Variants in GBE1 observed in about 807,000 individuals in gnomAD.
GBE1 encodes the protein 1,4-alpha-glucan branching enzyme 1.
GBE1 carries 70 observed loss-of-function variants against 88.8 expected under a neutral mutation model. That is an observed-to-expected ratio of 0.79 (90% CI 0.65 to 0.96). GBE1 has a LOEUF of 0.96. Ranked by LOEUF, GBE1 falls within the 40% of genes least tolerant of loss-of-function variation. The pLI, the probability that GBE1 is intolerant of heterozygous loss-of-function variation, is 0.00. For missense variants in GBE1, 872 were observed against 871.0 expected (o/e 1.00, Z -0.01); for synonymous variants, 284 against 300.1 (o/e 0.95, Z 0.56).
intron 12 of GBE1, among the ~76,000 whole-genome samples, chr3:81,565,721 G>A (rs1325567884): frequency 1.3e-5 from 2 of 152,024 alleles, no homozygotes; most frequent in African/African-American, 4.8e-5. Context: ...TTTCTCCACA[G>A]GTATCACTCA....
At chr3:81,674,996 A>G (rs1705233329) in intron 2 of GBE1, among the ~76,000 whole-genome samples, 1 of 151,970 alleles carries the variant, frequency 6.6e-6, no homozygotes. Context: ...AATCACATGG[A>G]TTTGTTAAAA....
chr3:81,679,113 A>C (rs1306325928), intron 2 of GBE1, among the ~76,000 whole-genome samples: 2 of 152,206 alleles, frequency 1.3e-5, no homozygotes, highest in African/African-American at 4.8e-5. Flanking sequence ...AAAAGAATAT[A>C]GAACCTTATC....
intron 1 of GBE1, among the ~76,000 whole-genome samples, chr3:81,742,534 G>A (rs1049965752): frequency 2.0e-5 from 3 of 151,978 alleles, no homozygotes; most frequent in Admixed American, 1.3e-4. Flanking sequence ...AGGCATAGGC[G>A]CCCCATCATT....
chr3:81,743,099 CT>C (rs1399287908), intron 1 of GBE1, among the ~76,000 whole-genome samples: 1 of 152,078 alleles, frequency 6.6e-6, no homozygotes, highest in Non-Finnish European at 1.5e-5. Flanking sequence ...TAACTATATT[CT>C]TCTCTTCTTA....
At chr3:81,646,522 T>C (rs62265454) in intron 5 of GBE1, 40 bp from the exon 6 acceptor site, 13 of 1,125,172 alleles carry the variant, frequency 1.2e-5, no homozygotes, top group Non-Finnish European at 1.7e-5. Context: ...AAAAGCCACA[T>C]TTAAAAAAAA....
chr3:81,612,657 A>C, intron 7 of GBE1: 1 of 559,524 alleles, frequency 1.8e-6, no homozygotes, highest in Non-Finnish European at 3.5e-6. Flanking sequence ...TCGACTTTCA[A>C]AATCTCCTCA....
intron 12 of GBE1, among the ~76,000 whole-genome samples, chr3:81,546,200 G>GCACACA (rs374685467): frequency 4.6e-5 from 7 of 150,602 alleles, no homozygotes; most frequent in Non-Finnish European, 5.9e-5. Context: ...CACTGTACAT[G>GCACACA]CACACACACA....
At chr3:81,540,519 A>G (rs1167893363) in intron 12 of GBE1, among the ~76,000 whole-genome samples, 1 of 152,056 alleles carries the variant, frequency 6.6e-6, no homozygotes, top group East Asian at 1.9e-4. Context: ...CATTCTGAGG[A>G]GAGAACCAGC....
In GBE1 at chr3:81,586,268, A is replaced by T. The variant is rs556436236; in HGVS notation, c.1237-78T>A. The T allele has an allele frequency of 1.3e-5, 11 of 863,342 alleles. No homozygotes were observed. In the East Asian group the frequency reaches 3.0e-4, roughly 24 times the overall value. The allele number at this position is 863,342 out of a possible 1,614,324, so 53.5% of individuals were successfully genotyped here. A position where few individuals can be genotyped will look rare whatever the true frequency, so the allele number is the denominator to read the frequency against. ...ACTGTAAAGCCCAGGTCAATAAATGAAAACAATAATAGGGGAATATATTTT... is the reference window on the plus strand; with the variant it reads ...ACTGTAAAGCCCAGGTCAATAAATGTAAACAATAATAGGGGAATATATTTT... On this transcript the variant is annotated intron_variant, in intron 9 of 15. Coordinates refer to ENST00000429644, the MANE Select transcript of GBE1 (RefSeq NM_000158.4).
chr3:81,543,311 GACAAA>G (rs1455534774), intron 12 of GBE1, among the ~76,000 whole-genome samples: 1 of 152,064 alleles, frequency 6.6e-6, no homozygotes, highest in African/African-American at 2.4e-5. Context: ...AGTGATTGTA[GACAAA>G]ACATTCTACA....
chr3:81,625,089 GA>G lies in GBE1; in HGVS notation c.992+17691del, dbSNP rs1280227968. The stretch of plus-strand genomic sequence containing the variant: ...AGAATCCTGCCTGCTTTTATGTTAT[GA>G]GGGAGGGGGAGGGGGAGGGGGAGGG... On this transcript the variant is annotated intron_variant, in intron 7 of 15. Coordinates refer to ENST00000429644, the MANE Select transcript of GBE1 (RefSeq NM_000158.4). 7.8e-4 allele frequency among the ~76,000 whole-genome samples: 116 copies of G among 148,998 alleles called. 1 individual carries two copies. Among genetic ancestry groups the G allele is most frequent in the African/African-American group, 2.0e-3 (81 of 40,184 alleles).
chr3:81,761,533 A>G lies in GBE1; in HGVS notation c.-16T>C. ...GAGCCGCCATATTCCGCCGCAGTCC[A>G]AGTAGCCGAGGCCCGAGAGGTCGAG... On this transcript the variant is annotated 5_prime_UTR_variant, in exon 1 of 16. Transcript: ENST00000429644. 4.5e-6 allele frequency: 7 copies of G among 1,562,150 alleles called. No individual in the cohort carries two copies. Among genetic ancestry groups the G allele is most frequent in the Non-Finnish European group, 6.0e-6 (7 of 1,161,958 alleles).
chr3:81,739,960 C>A (rs772155071), intron 1 of GBE1, among the ~76,000 whole-genome samples: 1 of 152,112 alleles, frequency 6.6e-6, no homozygotes, highest in Non-Finnish European at 1.5e-5. Context: ...GTGTGATGAT[C>A]ACACCTGTAA....
At chr3:81,664,691 A>G (rs1033278294) in intron 3 of GBE1, among the ~76,000 whole-genome samples, 1 of 152,206 alleles carries the variant, frequency 6.6e-6, no homozygotes, top group Non-Finnish European at 1.5e-5. Context: ...GATTGCTTAT[A>G]GTTCTATTCA....
intron 1 of GBE1, among the ~76,000 whole-genome samples, chr3:81,734,115 T>C (rs1706224088): frequency 6.6e-6 from 1 of 152,230 alleles, no homozygotes; most frequent in African/African-American, 2.4e-5. Flanking sequence ...ACTTTTATTC[T>C]TACTTTTATA....
Position 81,733,189 on chromosome 3 carries a change from T to A in GBE1, c.144-27576A>T, listed in dbSNP as rs900103701. 6.6e-6 allele frequency among the ~76,000 whole-genome samples: 1 copy of A among 152,066 alleles called. No homozygotes were observed. The highest frequency in any genetic ancestry group is 2.4e-5 in the African/African-American group (1 of 41,416). ...ATAGCAGAATCTAACAGGGTTCACA[T>A]AGAACCCTACTGTGAACTGCACATG... On this transcript the variant is annotated intron_variant, in intron 1 of 15. Transcript: ENST00000429644. This position sits in a 1 kb window ranked among gnomAD's most constrained non-coding sequence, Gnocchi z 4.0.
chr3:81,653,464 CAACAGAGA>C (rs1704880095), intron 3 of GBE1, among the ~76,000 whole-genome samples: 1 of 151,400 alleles, frequency 6.6e-6, no homozygotes, highest in South Asian at 2.1e-4. Flanking sequence ...CCAGCCTGGA[CAACAGAGA>C]AAGACCCTGT....
At chr3:81,545,573 A>G (rs1422699358) in intron 12 of GBE1, among the ~76,000 whole-genome samples, 1 of 151,530 alleles carries the variant, frequency 6.6e-6, no homozygotes, top group Non-Finnish European at 1.5e-5. Flanking sequence ...TTTTGCCTCC[A>G]GACTGTAAAT....
intron 14 of GBE1, among the ~76,000 whole-genome samples, chr3:81,503,840 T>C (rs1576123126): frequency 6.6e-6 from 1 of 152,162 alleles, no homozygotes; most frequent in South Asian, 2.1e-4. Flanking sequence ...ATTGTTATAT[T>C]TGAGATAATT....
Sources: allele counts gnomAD v4.1 joint callset (sites outside exome capture counted in the v4.1 genomes callset), GRCh38; gene constraint gnomAD v4.1.1; non-coding constraint Gnocchi (gnomAD v3.1); transcripts MANE v1.5; gene names NCBI Gene and HGNC (gene_info 2026-07-23, HGNC 2026-07-21).